VPS13D: variants seen among roughly 807,000 people sequenced by gnomAD.
VPS13D encodes intermembrane lipid transfer protein VPS13D.
In VPS13D, 187 loss-of-function variants were observed where a neutral mutation model predicts 461.9. That is an observed-to-expected ratio of 0.40 (90% CI 0.36 to 0.46). The LOEUF (loss-of-function observed/expected upper bound fraction) is 0.46, where lower values mean the gene tolerates loss of function less well. VPS13D is among the 20% of genes least tolerant of loss of function. The pLI is 0.60. For missense variants in VPS13D, 4,711 were observed against 5,364.9 expected (o/e 0.88, Z 3.81); for synonymous variants, 1,951 against 1,986.3 (o/e 0.98, Z 0.47).
At chr1:12,266,121 C>T (rs1238782821) in intron 13 of VPS13D, among the ~76,000 whole-genome samples, 2 of 152,130 alleles carry the variant, frequency 1.3e-5, no homozygotes, top group African/African-American at 4.8e-5. Context: ...GCTATGATTG[C>T]ACCACTGCAC....
chr1:12,356,122 G>T, intron 48 of VPS13D, 32 bp downstream of exon 48: 1 of 1,568,088 alleles, frequency 6.4e-7, no homozygotes, highest in Non-Finnish European at 8.7e-7. Context: ...GTAGGTCTTT[G>T]GCGTTAGTCA....
chr1:12,391,439 A>G (rs577206581), intron 60 of VPS13D, among the ~76,000 whole-genome samples: 1 of 152,308 alleles, frequency 6.6e-6, no homozygotes, highest in Admixed American at 6.5e-5. Context: ...CATTTGAGCC[A>G]CTTCCTCATG....
chr1:12,274,182 A>G (rs911387957), intron 18 of VPS13D, among the ~76,000 whole-genome samples: 1 of 152,216 alleles, frequency 6.6e-6, no homozygotes, highest in Non-Finnish European at 1.5e-5. Context: ...CTGGAATTAC[A>G]GGTGCCCACC....
Position 12,275,887 on chromosome 1 carries a change from G to A in VPS13D, c.2299G>A (p.Glu767Lys). Reference sequence around the variant, plus strand: ...TGAAGAGACCCAGTTTAGTGATGATGAATATAAGACCCCCCTGGCCACACC... The same window carrying A: ...TGAAGAGACCCAGTTTAGTGATGATAAATATAAGACCCCCCTGGCCACACC... ...ASEETQFSDD[E>K]YKTPLATPPN... The change falls in exon 19 of 70, where the codon GAA (glutamate) becomes AAA (lysine). Residue 767 changes from glutamate to lysine, a missense_variant. This residue lies in a region of VPS13D where 4,411 missense variants were observed against 4,937.8 expected (regional missense o/e 0.89). Coordinates refer to ENST00000620676, the MANE Select transcript of VPS13D (RefSeq NM_015378.4). 6.2e-7 allele frequency: 1 copy of A among 1,613,500 alleles called. No homozygotes were observed. Among genetic ancestry groups the A allele is most frequent in the Non-Finnish European group, 8.5e-7 (1 of 1,179,852 alleles).
intron 67 of VPS13D, among the ~76,000 whole-genome samples, chr1:12,462,263 G>T (rs573563185): frequency 6.6e-6 from 1 of 152,296 alleles, no homozygotes; most frequent in South Asian, 2.1e-4. Flanking sequence ...GAAGGAGGGT[G>T]GCTAACCTAG....
chr1:12,488,240 A>G (rs1645827928), intron 67 of VPS13D, among the ~76,000 whole-genome samples: 2 of 152,250 alleles, frequency 1.3e-5, no homozygotes. Flanking sequence ...AAGGTAGGAA[A>G]GAGGGAGATG....
rs554544220 is a variant in VPS13D, at chr1:12,259,110, T to C, written c.1110+1007T>C. ...AGGCTGGAATACAGTGGCATGATCATGGTCACTGCAACCTCCGTCACCCTG... is the reference window on the plus strand; with the variant it reads ...AGGCTGGAATACAGTGGCATGATCACGGTCACTGCAACCTCCGTCACCCTG... On this transcript the variant is annotated intron_variant, in intron 10 of 69. Coordinates refer to ENST00000620676, the MANE Select transcript of VPS13D (RefSeq NM_015378.4). Among the ~76,000 whole-genome samples, 12 of 151,880 alleles carry C rather than the reference T, an allele frequency of 7.9e-5. 1 individual carries two copies. The South Asian group carries it at 2.5e-3, about 32-fold the overall frequency.
At position 12,385,079 on chromosome 1, in the gene VPS13D, T is replaced by A. The variant is rs115590662; in HGVS notation, c.11371-181T>A. ...TATAGCTTGAGTTTGCCATGCAGACTTGAAACCAAGTTTGCTTCTTTATTA... is the reference window on the plus strand; with the variant it reads ...TATAGCTTGAGTTTGCCATGCAGACATGAAACCAAGTTTGCTTCTTTATTA... On this transcript the variant is annotated intron_variant, in intron 58 of 69. Coordinates refer to ENST00000620676, the MANE Select transcript of VPS13D (RefSeq NM_015378.4). Among the ~76,000 whole-genome samples the A allele has an allele frequency of 6.0e-3, 913 of 152,358 alleles. 5 individuals are homozygous for A. The highest frequency in any genetic ancestry group is 0.011 in the Non-Finnish European group (744 of 68,030).
At chr1:12,295,232 A>AC (rs1642242041) in intron 24 of VPS13D, among the ~76,000 whole-genome samples, 1 of 151,598 alleles carries the variant, frequency 6.6e-6, no homozygotes, top group Non-Finnish European at 1.5e-5. Flanking sequence ...CAAAAAAAAA[A>AC]AAAAAAAACA....
intron 67 of VPS13D, among the ~76,000 whole-genome samples, chr1:12,469,302 A>G (rs1268892803): frequency 1.3e-5 from 2 of 152,230 alleles, no homozygotes; most frequent in African/African-American, 4.8e-5. Flanking sequence ...TATAGATATA[A>G]CAATTTTTAT....
At chr1:12,449,281 A>G (rs538477353) in intron 65 of VPS13D, among the ~76,000 whole-genome samples, 6 of 152,206 alleles carry the variant, frequency 3.9e-5, no homozygotes, top group African/African-American at 1.4e-4. Context: ...AGGGCTATAC[A>G]TAATCCATAA....
At chr1:12,272,914 C>A in intron 17 of VPS13D, 89 bp from the exon 18 acceptor site, 1 of 1,531,076 alleles carries the variant, frequency 6.5e-7, no homozygotes, top group Middle Eastern at 1.8e-4. Flanking sequence ...CTCCATAATC[C>A]TAGCTGCAGC....
intron 65 of VPS13D, among the ~76,000 whole-genome samples, chr1:12,452,018 T>C (rs1293955216): frequency 1.3e-5 from 2 of 152,214 alleles, no homozygotes; most frequent in Non-Finnish European, 2.9e-5. Context: ...ATCTCATAGC[T>C]GTTGGGTGTC....
chr1:12,447,327 A>G (rs949099325), intron 65 of VPS13D, among the ~76,000 whole-genome samples: 3 of 152,178 alleles, frequency 2.0e-5, no homozygotes, highest in Non-Finnish European at 4.4e-5. Context: ...TTTGCTGGAA[A>G]TGCTCATGGT....
In VPS13D at chr1:12,267,837, T is replaced by G. The variant is rs762645117; in HGVS notation, c.1726-8T>G. ...ACGTTTACGCATTTTTGTGTGTTTG[T>G]TTAATAGCAAAAAGAAGTTGGCAGA... is the stretch of plus-strand genomic sequence containing the variant. On this transcript the variant is annotated splice_region_variant and splice_polypyrimidine_tract_variant and intron_variant, in intron 14 of 69. Coordinates refer to ENST00000620676, the MANE Select transcript of VPS13D (RefSeq NM_015378.4). 7.4e-6 allele frequency: 12 copies of G among 1,614,066 alleles called. No homozygotes were observed. In the South Asian group the frequency reaches 1.3e-4, roughly 18 times the overall value.
At chr1:12,319,699 T>G (rs1198590020) in intron 32 of VPS13D, 69 bp downstream of exon 32, 3 of 1,605,974 alleles carry the variant, frequency 1.9e-6, no homozygotes, top group Non-Finnish European at 2.6e-6. Context: ...GAAGAGAATT[T>G]TCCCTCTTAA....
chr1:12,242,151 A>G (rs1264134485), intron 2 of VPS13D, among the ~76,000 whole-genome samples: 2 of 152,126 alleles, frequency 1.3e-5, no homozygotes, highest in East Asian at 1.9e-4. Flanking sequence ...GGAAAATGTA[A>G]CTCTTGGTCT....
intron 65 of VPS13D, among the ~76,000 whole-genome samples, chr1:12,435,966 A>G (rs538546103): frequency 4.6e-5 from 7 of 152,178 alleles, no homozygotes; most frequent in Non-Finnish European, 7.4e-5. Context: ...CTCTAACTCT[A>G]CACATCGAGC....
intron 67 of VPS13D, chr1:12,478,931 C>A (rs1399850765): frequency 2.2e-6 from 1 of 454,542 alleles, no homozygotes; most frequent in Non-Finnish European, 4.4e-6. Context: ...TGCCGTTTTC[C>A]TTCCCCATCA....
Sources: allele counts gnomAD v4.1 joint callset (sites outside exome capture counted in the v4.1 genomes callset), GRCh38; gene constraint gnomAD v4.1.1; regional missense constraint gnomAD v4.1.1; transcripts MANE v1.5; gene names NCBI Gene and HGNC (gene_info 2026-07-23, HGNC 2026-07-21).